The following MAP3K3 variants were observed in gnomAD, a reference collection of about 807,000 sequenced individuals.
MAP3K3 encodes the protein mitogen-activated protein kinase kinase kinase 3, also known as MAP/ERK kinase kinase 3.
Under a neutral mutation model 80.9 loss-of-function variants are expected in MAP3K3, and 12 were observed. The observed-to-expected ratio is 0.15, with a 90% confidence interval of 0.10 to 0.24. MAP3K3 has a LOEUF of 0.24. Among genes scored for constraint, MAP3K3 ranks in the 10% least tolerant of loss-of-function variants. MAP3K3 has a pLI of 1.00. For synonymous variants in MAP3K3, 272 were observed against 307.1 expected, an observed-to-expected ratio of 0.89 and a Z score of 1.19; for missense variants, 596 against 834.7, an observed-to-expected ratio of 0.71 and a Z score of 3.52.
intron 2 of MAP3K3, among the ~76,000 whole-genome samples, chr17:63,633,696 C>T (rs2034263469): frequency 6.6e-6 from 1 of 152,170 alleles, no homozygotes; most frequent in South Asian, 2.1e-4. Context: ...GTGCCACTTA[C>T]CTGTTTCCTG....
Position 63,693,026 on chromosome 17 carries a change from G to T in MAP3K3, c.1653-523G>T, listed in dbSNP as rs2035624798. ...AAGAGGTCAGAGTGGCTAATAGGAG[G>T]TGAGACAATGAAAGCAAGAGGTTGG... On this transcript the variant is annotated intron_variant, in intron 15 of 15. Coordinates refer to ENST00000361733, the MANE Select transcript of MAP3K3 (RefSeq NM_002401.5). The surrounding 1 kb of genome is among the most constrained non-coding windows in gnomAD (Gnocchi z 4.2). Among the ~76,000 whole-genome samples, 1 of 152,184 alleles carries T rather than the reference G, an allele frequency of 6.6e-6. No homozygotes were observed. Among genetic ancestry groups the T allele is most frequent in the Non-Finnish European group, 1.5e-5 (1 of 68,036 alleles).
At chr17:63,671,304 G>A (rs544581722) in intron 6 of MAP3K3, among the ~76,000 whole-genome samples, 24 of 149,212 alleles carry the variant, frequency 1.6e-4, no homozygotes, top group African/African-American at 5.3e-4. Flanking sequence ...TCACCAGGCC[G>A]AAGTGCAGTG....
At chr17:63,679,662 G>C (rs1568148602) in intron 6 of MAP3K3, among the ~76,000 whole-genome samples, 1 of 152,092 alleles carries the variant, frequency 6.6e-6, no homozygotes, top group South Asian at 2.1e-4. Context: ...ATTTTTTGTA[G>C]AGATGGGGTC....
chr17:63,669,744 G>C (rs770461952), intron 6 of MAP3K3, among the ~76,000 whole-genome samples: 10 of 149,688 alleles, frequency 6.7e-5, no homozygotes, highest in Admixed American at 1.3e-4. Flanking sequence ...GAGCCACCAC[G>C]CCTCAACCTA....
chr17:63,658,454 G>A (rs1031718155), intron 5 of MAP3K3, among the ~76,000 whole-genome samples: 2 of 152,126 alleles, frequency 1.3e-5, no homozygotes, highest in African/African-American at 4.8e-5. Flanking sequence ...GTCAGAAGTG[G>A]GGAATTATCC....
chr17:63,644,733 C>T (rs560843947), intron 2 of MAP3K3, among the ~76,000 whole-genome samples: 1 of 152,154 alleles, frequency 6.6e-6, no homozygotes. Context: ...GGCATCTACC[C>T]TTCCTTTCAA....
intron 2 of MAP3K3, among the ~76,000 whole-genome samples, chr17:63,634,111 C>T (rs2034270561): frequency 6.6e-6 from 1 of 152,128 alleles, no homozygotes; most frequent in Non-Finnish European, 1.5e-5. Context: ...GATAAGGGCC[C>T]ATTCTTACAC....
At chr17:63,638,701 C>T (rs1459075119) in intron 2 of MAP3K3, among the ~76,000 whole-genome samples, 3 of 152,212 alleles carry the variant, frequency 2.0e-5, no homozygotes, top group Admixed American at 6.5e-5. Flanking sequence ...GTAGCTGACA[C>T]CTCCATTCAG....
chr17:63,637,607 G>A (rs991265413), intron 2 of MAP3K3, among the ~76,000 whole-genome samples: 24 of 152,230 alleles, frequency 1.6e-4, no homozygotes, highest in African/African-American at 5.5e-4. Context: ...GCAGGTGTGA[G>A]CTTTGGGGAA....
intron 6 of MAP3K3, among the ~76,000 whole-genome samples, chr17:63,675,215 T>C (rs1009552661): frequency 6.6e-6 from 1 of 152,202 alleles, no homozygotes; most frequent in Non-Finnish European, 1.5e-5. Flanking sequence ...CAGAGTGTGG[T>C]CCACTGTGAG....
rs769730802 is a variant in MAP3K3, at chr17:63,693,538, T to C, written c.1653-11T>C. The C allele has an allele frequency of 2.5e-6, 4 of 1,596,072 alleles. No individual in the cohort carries two copies. The highest frequency in any genetic ancestry group is 3.6e-5 in the Admixed American group (2 of 55,808). On this transcript the variant is annotated splice_polypyrimidine_tract_variant and intron_variant, in intron 15 of 15. Coordinates refer to ENST00000361733, the MANE Select transcript of MAP3K3 (RefSeq NM_002401.5). This position sits in a 1 kb window ranked among gnomAD's most constrained non-coding sequence, Gnocchi z 4.2. ...CTGGCTGAGGGGTGACACGGGGTTC[T>C]CTCTTTCCAGGAGCCTGGGCTGCAC...
chr17:63,675,888 T>C (rs2035209606), intron 6 of MAP3K3, among the ~76,000 whole-genome samples: 1 of 152,280 alleles, frequency 6.6e-6, no homozygotes, highest in Non-Finnish European at 1.5e-5. Flanking sequence ...GGCTCATTGC[T>C]ATCACTGCTG....
intron 1 of MAP3K3, among the ~76,000 whole-genome samples, chr17:63,626,775 C>A (rs1195876389): frequency 6.6e-6 from 1 of 152,234 alleles, no homozygotes; most frequent in African/African-American, 2.4e-5. Context: ...GAAGCACAGA[C>A]TCTCCTGAGT....
At chr17:63,688,252 A>C in intron 8 of MAP3K3, 1 of 509,470 alleles carries the variant, frequency 2.0e-6, no homozygotes. Flanking sequence ...AGAGGTGGGA[A>C]GAAAGGCCAA....
intron 1 of MAP3K3, among the ~76,000 whole-genome samples, chr17:63,624,254 G>A (rs2034054825): frequency 6.6e-6 from 1 of 152,188 alleles, no homozygotes; most frequent in South Asian, 2.1e-4. Context: ...TTGTATTATA[G>A]ATTTTGAATA....
In MAP3K3 at chr17:63,691,297, C is replaced by T. The variant is rs562444171; in HGVS notation, c.1344+64C>T. The stretch of plus-strand genomic sequence containing the variant: ...GAGGGCCTGACCTGGGGGCTGGGGC[C>T]TGCAGGAGGGGGGTCACCTTGGATA... On this transcript the variant is annotated intron_variant, in intron 13 of 15. Coordinates refer to ENST00000361733, the MANE Select transcript of MAP3K3 (RefSeq NM_002401.5). This position sits in a 1 kb window ranked among gnomAD's most constrained non-coding sequence, Gnocchi z 4.8. 1 of 1,607,062 alleles carries T rather than the reference C, an allele frequency of 6.2e-7. No homozygotes were observed. Among genetic ancestry groups the T allele is most frequent in the African/African-American group, 1.3e-5 (1 of 74,844 alleles).
intron 8 of MAP3K3, among the ~76,000 whole-genome samples, chr17:63,686,244 T>A (rs1294503590): frequency 2.0e-5 from 3 of 152,034 alleles, no homozygotes; most frequent in Non-Finnish European, 4.4e-5. Context: ...ATGGAAAAGG[T>A]TTGGGGATTT....
At chr17:63,640,152 C>T (rs994198094) in intron 2 of MAP3K3, among the ~76,000 whole-genome samples, 5 of 152,130 alleles carry the variant, frequency 3.3e-5, no homozygotes, top group African/African-American at 7.2e-5. Context: ...TGGTGACATG[C>T]GCCTGTAGTC....
Position 63,688,690 on chromosome 17 carries a change from G to T in MAP3K3, c.778+96G>T, listed in dbSNP as rs1293575703. 3.5e-6 allele frequency: 5 copies of T among 1,431,190 alleles called. No homozygotes were observed. The East Asian group carries it at 1.1e-4, about 33-fold the overall frequency. The allele number at this position is 1,431,190 out of a possible 1,614,324, so 88.7% of individuals were successfully genotyped here. ...TTTTCTGAGTCAGTAGCTCTCCTTG[G>T]GCTTGCTGCTTTGAGGTCTCAGGTG... is the stretch of plus-strand genomic sequence containing the variant. On this transcript the variant is annotated intron_variant, in intron 9 of 15. Transcript: ENST00000361733.
Sources: gnomAD v4.1 joint callset for allele counts (sites outside exome capture counted in the v4.1 genomes callset) on GRCh38, gnomAD v4.1.1 for gene constraint, Gnocchi (gnomAD v3.1) non-coding constraint, MANE v1.5 for transcripts, NCBI Gene and HGNC (gene_info 2026-07-23, HGNC 2026-07-21) for gene names.